NAMPT: variants seen among roughly 807,000 people sequenced by gnomAD.
NAMPT encodes nicotinamide phosphoribosyltransferase, also known as NAmPRTase.
Under a neutral mutation model 58.7 loss-of-function variants are expected in NAMPT, and 7 were observed. That is an observed-to-expected ratio of 0.12 (90% confidence interval 0.07 to 0.22). The LOEUF is 0.22. NAMPT is among the 10% of genes least tolerant of loss of function. The pLI, the probability that NAMPT is intolerant of heterozygous loss-of-function variation, is 1.00. For synonymous variants in NAMPT, 145 were observed against 198.1 expected (o/e 0.73, Z 2.25); for missense variants, 271 against 567.9 (o/e 0.48, Z 5.31).
rs1470388982 is a variant in NAMPT at position 106,263,639 on chromosome 7, C to T, written c.744-22G>A. ...GGTACTAGAAAAAAAAATGAAAACA[C>T]AGATTTACTTAGGCAGACACTTGAT... On this transcript the variant is annotated intron_variant, in intron 6 of 10. Transcript: ENST00000222553. 1.9e-6 allele frequency: 3 copies of T among 1,563,666 alleles called. 1 individual carries two copies. The highest frequency in any genetic ancestry group is 2.6e-6 in the Non-Finnish European group (3 of 1,134,936).
chr7:106,267,866 A>AAAAAAAAAAAAAAAAAAAAC (rs767872084), intron 6 of NAMPT, among the ~76,000 whole-genome samples: 9 of 133,642 alleles, frequency 6.7e-5, no homozygotes, highest in South Asian at 2.4e-4. Flanking sequence ...AAAAAAAAAA[A>AAAAAAAAAAAAAAAAAAAAC]AAAAAAAAAA....
chr7:106,262,756 A>C (rs1792330926), intron 7 of NAMPT, among the ~76,000 whole-genome samples: 1 of 152,128 alleles, frequency 6.6e-6, no homozygotes, highest in Non-Finnish European at 1.5e-5. Flanking sequence ...TTTCTTCTAT[A>C]ACAGAGACAG....
Position 106,251,135 on chromosome 7 carries a change from T to C in NAMPT, c.1424A>G (p.Glu475Gly). The change falls in exon 11 of 11, where the codon GAA (glutamate) becomes GGA (glycine). Residue 475 changes from glutamate (E) to glycine (G), a missense_variant. Physicochemically the swap from Glu to Gly is moderately conservative, Grantham distance 98. This residue lies in a region of NAMPT where 143 missense variants were observed against 331.1 expected (regional missense o/e 0.43). Transcript: ENST00000222553. ...ATTCAGCTGTGCATTTTTTCTTATT[T>C]CATCAAATGAATAGCTTTTTGTCAC... The part of the protein sequence containing the change: ...GKVTKSYSFD[E>G]IRKNAQLNIE... 1.2e-6 allele frequency: 2 copies of C among 1,607,014 alleles called. No homozygotes were observed. The highest frequency in any genetic ancestry group is 1.7e-6 in the Non-Finnish European group (2 of 1,173,920).
intron 3 of NAMPT, among the ~76,000 whole-genome samples, chr7:106,273,533 G>A (rs1280660632): frequency 6.6e-6 from 1 of 152,116 alleles, no homozygotes; most frequent in East Asian, 1.9e-4. Context: ...GGGAGACCCT[G>A]GACTAGTCAC....
In NAMPT at chr7:106,269,242, G is replaced by A. The variant is rs781211092; in HGVS notation, c.518C>T (p.Ala173Val). The A allele has an allele frequency of 6.2e-7, 1 of 1,612,592 alleles. No individual in the cohort carries two copies. Among genetic ancestry groups the A allele is most frequent in the East Asian group, 2.2e-5 (1 of 44,838 alleles). Residue 173 changes from alanine (A) to valine (V), a missense_variant, in exon 5 of 11, where the codon GCC becomes GTC. By Grantham distance (64) the Ala-to-Val change is moderately conservative. Around this residue, in one of 4 missense-constraint regions of NAMPT, gnomAD observed 103 missense variants for 194.2 expected, o/e 0.53. Coordinates refer to ENST00000222553, the MANE Select transcript of NAMPT (RefSeq NM_005746.3). ...ACCAGAAGTTTCTAACAAATATTTGGCCAATATTTTCTTCTGCTCTCTAGA... is the reference window on the plus strand; with the variant it reads ...ACCAGAAGTTTCTAACAAATATTTGACCAATATTTTCTTCTGCTCTCTAGA... The part of the protein sequence containing the change: ...TNSREQKKIL[A>V]KYLLETSGNL...
intron 1 of NAMPT, among the ~76,000 whole-genome samples, chr7:106,278,086 G>A: frequency 6.6e-6 from 1 of 152,160 alleles, no homozygotes; most frequent in East Asian, 1.9e-4. Context: ...ATAAATCTTT[G>A]CAGACCATTT....
chr7:106,265,089 C>T (rs1189770927), intron 6 of NAMPT, among the ~76,000 whole-genome samples: 1 of 152,132 alleles, frequency 6.6e-6, no homozygotes, highest in Non-Finnish European at 1.5e-5. Context: ...CAATTCTCTA[C>T]TTCATGCATC....
intron 1 of NAMPT, among the ~76,000 whole-genome samples, chr7:106,278,811 AG>A (rs1792699922): frequency 6.6e-6 from 1 of 152,228 alleles, no homozygotes; most frequent in Non-Finnish European, 1.5e-5. Flanking sequence ...GTGAGATAGA[AG>A]AAAAGCACAC....
chr7:106,256,580 A>C (rs999750627), intron 8 of NAMPT, among the ~76,000 whole-genome samples: 1 of 152,226 alleles, frequency 6.6e-6, no homozygotes, highest in Non-Finnish European at 1.5e-5. Flanking sequence ...GTTCAACTTA[A>C]CAACGGTGCA....
In NAMPT at chr7:106,277,119, G is replaced by A; in HGVS notation, c.118C>T (p.Arg40Cys). The change falls in exon 2 of 11, where the codon CGT (arginine) becomes TGT (cysteine). Residue 40 changes from arginine to cysteine, a missense_variant. Coordinates refer to ENST00000222553, the MANE Select transcript of NAMPT (RefSeq NM_005746.3). The stretch of plus-strand genomic sequence containing the variant: ...TTGGAGTTTTCTGTCTTCTTTTCAC[G>A]GCATTCAAAGTAGGAATAAACTTTG... The part of the protein sequence containing the change: ...TSKVYSYFEC[R>C]EKKTENSKLR... The A allele has an allele frequency of 1.2e-6, 2 of 1,609,740 alleles. No individual in the cohort carries two copies. Among genetic ancestry groups the A allele is most frequent in the Non-Finnish European group, 1.7e-6 (2 of 1,176,444 alleles).
intron 5 of NAMPT, 95 bp from the exon 6 acceptor site, chr7:106,268,695 A>G (rs1237682843): frequency 1.7e-5 from 14 of 818,450 alleles, no homozygotes; most frequent in Non-Finnish European, 2.9e-5. Flanking sequence ...AATATAGCAT[A>G]GCTCCCATAA....
intron 5 of NAMPT, 40 bp downstream of exon 5, chr7:106,269,114 A>G: frequency 6.4e-7 from 1 of 1,567,268 alleles, no homozygotes; most frequent in Non-Finnish European, 8.7e-7. Flanking sequence ...CTAACCAACA[A>G]TCCACATTAT....
Position 106,269,218 on chromosome 7 carries a change from CCAGAAGTTTCTAACAAAT to C in NAMPT, c.524_541del (p.Tyr175_Gly181delinsCys), listed in dbSNP as rs1398202047. The C allele has an allele frequency of 6.2e-7, 1 of 1,613,494 alleles. No homozygotes were observed. Among genetic ancestry groups the C allele is most frequent in the East Asian group, 2.2e-5 (1 of 44,848 alleles). ...CTTGTATTCCAGACCATCTAAGTTA[CCAGAAGTTTCTAACAAAT>C]ATTTGGCCAATATTTTCTTCTGCTC... On this transcript the variant is annotated inframe_deletion, in exon 5 of 11. Coordinates refer to ENST00000222553, the MANE Select transcript of NAMPT (RefSeq NM_005746.3).
chr7:106,251,555 C>A (rs1309196759), intron 10 of NAMPT, among the ~76,000 whole-genome samples: 2 of 152,066 alleles, frequency 1.3e-5, no homozygotes, highest in African/African-American at 2.4e-5. Context: ...TGTGAGTGTG[C>A]AGCAAAAAAG....
intron 7 of NAMPT, 27 bp downstream of exon 7, chr7:106,263,365 A>C: frequency 6.6e-7 from 1 of 1,507,488 alleles, no homozygotes; most frequent in South Asian, 1.1e-5. Context: ...AGGGATTCTA[A>C]TAATAAAGTT....
rs191385016 is a variant in NAMPT at position 106,275,441 on chromosome 7, A to G, written c.215-392T>C. On this transcript the variant is annotated intron_variant, in intron 2 of 10. Transcript: ENST00000222553. The stretch of plus-strand genomic sequence containing the variant: ...GAATGTGGCATCTTTAGGGTTGGTA[A>G]GTCAGTAATTTCCACAATTACTAAA... The G allele has an allele frequency of 1.8e-3, 273 of 153,930 alleles. 2 individuals carry two copies. Among genetic ancestry groups the G allele is most frequent in the Non-Finnish European group, 1.9e-3 (132 of 68,922 alleles). 9.5% of individuals were successfully genotyped at this position (153,930 alleles called of 1,614,324 possible). A position where few individuals can be genotyped will look rare whatever the true frequency, so the allele number is the denominator to read the frequency against.
At position 106,250,363 on chromosome 7, in the gene NAMPT, G is replaced by T. The variant is rs189765323; in HGVS notation, c.*720C>A. 12 of 152,430 alleles carry T rather than the reference G, an allele frequency of 7.9e-5. No individual in the cohort carries two copies. Among genetic ancestry groups the T allele is most frequent in the Admixed American group, 7.2e-4 (11 of 15,222 alleles). The allele number at this position is 152,430 out of a possible 1,614,324, so 9.4% of individuals were successfully genotyped here. On this transcript the variant is annotated 3_prime_UTR_variant, in exon 11 of 11. Coordinates refer to ENST00000222553, the MANE Select transcript of NAMPT (RefSeq NM_005746.3). ...ATTGCAGTACAGGCCTTTCAAATTTGGCATTTCACTGGTACAATACAACAA... is the reference window on the plus strand; with the variant it reads ...ATTGCAGTACAGGCCTTTCAAATTTTGCATTTCACTGGTACAATACAACAA...
At chr7:106,272,710 CCTG>C (rs767331798) in intron 3 of NAMPT, 52 bp from the exon 4 acceptor site, 8 of 1,592,694 alleles carry the variant, frequency 5.0e-6, no homozygotes, top group African/African-American at 2.7e-5. Context: ...TACTCAATTC[CCTG>C]CTGTTTTACT....
intron 9 of NAMPT, among the ~76,000 whole-genome samples, chr7:106,253,892 A>G (rs1019138320): frequency 2.0e-5 from 3 of 152,140 alleles, no homozygotes; most frequent in African/African-American, 7.2e-5. Context: ...AAGACGTTAC[A>G]AAGAAGCAAG....
Sources: allele counts gnomAD v4.1 joint callset (sites outside exome capture counted in the v4.1 genomes callset), GRCh38; gene constraint gnomAD v4.1.1; regional missense constraint gnomAD v4.1.1; transcripts MANE v1.5; gene names NCBI Gene and HGNC (gene_info 2026-07-23, HGNC 2026-07-21).